RFTN1: variants seen among roughly 807,000 people sequenced by gnomAD.
RFTN1 encodes raftlin.
RFTN1 carries 26 observed loss-of-function variants against 46.5 expected under a neutral mutation model. The observed-to-expected ratio is 0.56, with a 90% CI of 0.41 to 0.78. The LOEUF (loss-of-function observed/expected upper bound fraction) is 0.78. Ranked by LOEUF, RFTN1 falls within the 30% of genes least tolerant of loss-of-function variation. RFTN1 has a pLI of 0.00. For synonymous variants in RFTN1, 261 were observed against 284.2 expected, an observed-to-expected ratio of 0.92 and a Z score of 0.82; for missense variants, 693 against 718.7, an observed-to-expected ratio of 0.96 and a Z score of 0.41.
intron 4 of RFTN1, among the ~76,000 whole-genome samples, chr3:16,398,624 C>T (rs2074531461): frequency 6.6e-6 from 1 of 152,204 alleles, no homozygotes; most frequent in African/African-American, 2.4e-5. Context: ...GGAGAAGCAG[C>T]TGCTCACCCC....
rs145158801 is a variant in RFTN1 at position 16,460,609 on chromosome 3, AC to A, written c.146-26573del. ...TGGGTGGGGAATATATATTTTTTTA[AC>A]CTAAATCTTCTTCTCATTTTCTCCT... On this transcript the variant is annotated intron_variant, in intron 2 of 9. Transcript: ENST00000334133. This position sits in a 1 kb window ranked among gnomAD's most constrained non-coding sequence, Gnocchi z 4.8. 0.063 allele frequency among the ~76,000 whole-genome samples: 9,607 copies of A among 152,194 alleles called. 409 individuals are homozygous for A. Among genetic ancestry groups the A allele is most frequent in the Non-Finnish European group, 0.1 (6,825 of 68,002 alleles).
rs556671859 is a variant in RFTN1, at chr3:16,316,301, A to G, written c.*527T>C. ...GGAGGCGGAGCACCTCCCCTCCCCA[A>G]TGTCATTTTCTTTGTCAAAGCAGAA... On this transcript the variant is annotated 3_prime_UTR_variant, in exon 10 of 10. Coordinates refer to ENST00000334133, the MANE Select transcript of RFTN1 (RefSeq NM_015150.2). This position sits in a 1 kb window ranked among gnomAD's most constrained non-coding sequence, Gnocchi z 4.5. 2.5e-4 allele frequency: 40 copies of G among 161,164 alleles called. No homozygotes were observed. The South Asian group carries it at 2.8e-3, about 11-fold the overall frequency. The allele number at this position is 161,164 out of a possible 1,614,324, so 10.0% of individuals were successfully genotyped here.
intron 2 of RFTN1, among the ~76,000 whole-genome samples, chr3:16,470,899 C>T (rs555792816): frequency 1.2e-3 from 182 of 152,224 alleles, no homozygotes; most frequent in African/African-American, 4.2e-3. Context: ...ACACAGGGTG[C>T]TAGAATTAAC....
intron 4 of RFTN1, among the ~76,000 whole-genome samples, chr3:16,399,412 G>A (rs958652086): frequency 6.6e-6 from 1 of 152,276 alleles, no homozygotes; most frequent in South Asian, 2.1e-4. Context: ...CTTCTGTGGA[G>A]GTTGCCAGTG....
At position 16,320,988 on chromosome 3, in the gene RFTN1, T is replaced by A. The variant is rs924485587; in HGVS notation, c.1332+2388A>T. On this transcript the variant is annotated intron_variant, in intron 9 of 9. Coordinates refer to ENST00000334133, the MANE Select transcript of RFTN1 (RefSeq NM_015150.2). The surrounding 1 kb of genome is among the most constrained non-coding windows in gnomAD (Gnocchi z 4.5). ...TCTATTATTAGGAGATTAGAATAGCTGAGGCGAGTGATGGTAGAGAGAAGT... is the reference window on the plus strand; with the variant it reads ...TCTATTATTAGGAGATTAGAATAGCAGAGGCGAGTGATGGTAGAGAGAAGT... Among the ~76,000 whole-genome samples the A allele has an allele frequency of 6.6e-6, 1 of 152,336 alleles. No homozygotes were observed. Among genetic ancestry groups the A allele is most frequent in the South Asian group, 2.1e-4 (1 of 4,828 alleles).
At chr3:16,464,456 T>C (rs937817504) in intron 2 of RFTN1, among the ~76,000 whole-genome samples, 5 of 152,240 alleles carry the variant, frequency 3.3e-5, no homozygotes, top group Non-Finnish European at 1.5e-5. Flanking sequence ...TTTTTGTTGT[T>C]CTTCTTGGGA....
intron 4 of RFTN1, among the ~76,000 whole-genome samples, chr3:16,386,585 T>C (rs1306605949): frequency 2.0e-5 from 3 of 152,218 alleles, no homozygotes; most frequent in Non-Finnish European, 4.4e-5. Flanking sequence ...TCCTACACTC[T>C]AAGCTGTACT....
chr3:16,501,019 C>T (rs1175338378), intron 1 of RFTN1, among the ~76,000 whole-genome samples: 1 of 152,136 alleles, frequency 6.6e-6, no homozygotes, highest in Non-Finnish European at 1.5e-5. Flanking sequence ...TACCTGTCAT[C>T]CCAGCTACTT....
chr3:16,323,457 G>A lies in RFTN1; in HGVS notation c.1251C>T (p.Ser417=), dbSNP rs142197217. ...VLPTPVVKTT[S]EGSVSTKQIV... is the part of the protein sequence containing the mutation. ...TCTGCTTGGTGGATACACTCCCCTC[G>A]CTGTAACACACGGAGCTGAGAATGA... Residue 417 remains serine, a splice_region_variant and synonymous_variant, in exon 9 of 10, where the codon AGC becomes AGT. Coordinates refer to ENST00000334133, the MANE Select transcript of RFTN1 (RefSeq NM_015150.2). 228 of 1,609,352 alleles carry A rather than the reference G, an allele frequency of 1.4e-4. 1 individual carries two copies. Among genetic ancestry groups the A allele is most frequent in the African/African-American group, 7.6e-4 (57 of 74,610 alleles).
Position 16,509,235 on chromosome 3 carries a change from G to A in RFTN1, c.-9+4207C>T, listed in dbSNP as rs146200606. Among the ~76,000 whole-genome samples the A allele has an allele frequency of 6.6e-6, 1 of 152,172 alleles. No homozygotes were observed. The highest frequency in any genetic ancestry group is 1.5e-5 in the Non-Finnish European group (1 of 68,042). On this transcript the variant is annotated intron_variant, in intron 1 of 9. Transcript: ENST00000334133. The surrounding 1 kb of genome is among the most constrained non-coding windows in gnomAD (Gnocchi z 4.9). ...AAAAAAACTAAAGAAAATGATTGCA[G>A]TGTATCATTTCCTGTAACGCTGTTC...
At chr3:16,331,970 T>G (rs1406933868) in intron 7 of RFTN1, among the ~76,000 whole-genome samples, 1 of 152,246 alleles carries the variant, frequency 6.6e-6, no homozygotes, top group East Asian at 1.9e-4. Context: ...GCAATGCTAT[T>G]GAGATAATCT....
chr3:16,331,129 T>C (rs2070265211), intron 7 of RFTN1, among the ~76,000 whole-genome samples: 1 of 152,256 alleles, frequency 6.6e-6, no homozygotes, highest in South Asian at 2.1e-4. Context: ...AGTTTGCCTC[T>C]ATTCCTGACA....
Position 16,465,673 on chromosome 3 carries a change from A to T in RFTN1, c.145+28052T>A, listed in dbSNP as rs537250649. Among the ~76,000 whole-genome samples, 6 of 152,226 alleles carry T rather than the reference A, an allele frequency of 3.9e-5. No homozygotes were observed. The highest frequency in any genetic ancestry group is 1.4e-4 in the African/African-American group (6 of 41,534). On this transcript the variant is annotated intron_variant, in intron 2 of 9. Coordinates refer to ENST00000334133, the MANE Select transcript of RFTN1 (RefSeq NM_015150.2). This position sits in a 1 kb window ranked among gnomAD's most constrained non-coding sequence, Gnocchi z 5.1. ...ATGCTAAAAATTTCAGAATTATAAG[A>T]TCACCAAAATTATCACACCCACCAA...
chr3:16,484,364 G>A lies in RFTN1; in HGVS notation c.145+9361C>T, dbSNP rs1185251187. Among the ~76,000 whole-genome samples, 9 of 152,162 alleles carry A rather than the reference G, an allele frequency of 5.9e-5. No individual in the cohort carries two copies. Among genetic ancestry groups the A allele is most frequent in the Non-Finnish European group, 7.3e-5 (5 of 68,030 alleles). On this transcript the variant is annotated intron_variant, in intron 2 of 9. Transcript: ENST00000334133. This position sits in a 1 kb window ranked among gnomAD's most constrained non-coding sequence, Gnocchi z 4.6. The stretch of plus-strand genomic sequence containing the variant: ...TGCGCAATGTGCATGTCTTGAATAA[G>A]GAATGTCATCCTGTTATTATCATGA...
chr3:16,353,306 C>T lies in RFTN1; in HGVS notation c.1146+4626G>A, dbSNP rs1483544363. Among the ~76,000 whole-genome samples the T allele has an allele frequency of 2.0e-5, 3 of 152,136 alleles. No individual in the cohort carries two copies. The highest frequency in any genetic ancestry group is 7.2e-5 in the African/African-American group (3 of 41,410). ...GAAGACGTGAGAGCTGGAAAAATGC[C>T]CCCAGCCTTAGAGAGGGGCAGGCAG... On this transcript the variant is annotated intron_variant, in intron 7 of 9. Coordinates refer to ENST00000334133, the MANE Select transcript of RFTN1 (RefSeq NM_015150.2). This position sits in a 1 kb window ranked among gnomAD's most constrained non-coding sequence, Gnocchi z 5.4.
chr3:16,419,403 T>A (rs2075145097), intron 3 of RFTN1, among the ~76,000 whole-genome samples: 1 of 152,070 alleles, frequency 6.6e-6, no homozygotes, highest in Admixed American at 6.6e-5. Flanking sequence ...GCAGTGTGTA[T>A]GATGTAGGAA....
intron 7 of RFTN1, chr3:16,349,531 G>A (rs141055530): frequency 1.4e-3 from 209 of 152,364 alleles, no homozygotes; most frequent in African/African-American, 4.7e-3. Context: ...TGTGAACTAC[G>A]TATGTGCATG....
intron 3 of RFTN1, among the ~76,000 whole-genome samples, chr3:16,411,129 G>A (rs559425696): frequency 9.2e-5 from 14 of 152,250 alleles, no homozygotes; most frequent in Non-Finnish European, 2.1e-4. Flanking sequence ...CACTTATGAG[G>A]CTGTTCTACC....
At chr3:16,399,277 T>TA (rs1375546850) in intron 4 of RFTN1, among the ~76,000 whole-genome samples, 25 of 152,132 alleles carry the variant, frequency 1.6e-4, no homozygotes, top group Non-Finnish European at 3.2e-4. Context: ...TTTTAAATTT[T>TA]AAAAAAACAA....
Sources: gnomAD v4.1 joint callset for allele counts (sites outside exome capture counted in the v4.1 genomes callset) on GRCh38, gnomAD v4.1.1 for gene constraint, Gnocchi (gnomAD v3.1) non-coding constraint, MANE v1.5 for transcripts, NCBI Gene and HGNC (gene_info 2026-07-23, HGNC 2026-07-21) for gene names.